The following PYDC5 variants were observed in gnomAD, a reference collection of about 807,000 sequenced individuals.
The protein encoded by PYDC5 is pyrin domain containing 5, also known as pyrin domain-containing protein 5.
the PYDC5 span, among the ~76,000 whole-genome samples, chr1:159,001,347 A>C: frequency 6.6e-6 from 1 of 152,224 alleles, no homozygotes; most frequent in Admixed American, 6.5e-5. Context: ...GAAGATAACC[A>C]ACTGTGACTT....
the PYDC5 span, among the ~76,000 whole-genome samples, chr1:159,001,723 A>G: frequency 0.011 from 1,732 of 152,326 alleles, 30 homozygotes; most frequent in African/African-American, 0.04. Context: ...ACGTGCTAAC[A>G]TTCACATATC....
chr1:159,000,812 T>C, the PYDC5 span, among the ~76,000 whole-genome samples: 1 of 152,242 alleles, frequency 6.6e-6, no homozygotes, highest in Middle Eastern at 3.4e-3. Context: ...GCTTGGCTCA[T>C]GGGGGTGGAT....
chr1:159,001,479 A>G, the PYDC5 span, among the ~76,000 whole-genome samples: 1 of 152,246 alleles, frequency 6.6e-6, no homozygotes, highest in Non-Finnish European at 1.5e-5. Flanking sequence ...TTATACATGT[A>G]GAATTTATAA....
chr1:159,000,244 A>C, the PYDC5 span: 1 of 259,430 alleles, frequency 3.9e-6, no homozygotes, highest in South Asian at 7.4e-5. Flanking sequence ...ACTTAAACCT[A>C]TCCAGTTCCT....
At chr1:159,000,332 T>C in the PYDC5 span, 3 of 230,238 alleles carry the variant, frequency 1.3e-5, no homozygotes, top group South Asian at 2.6e-4. Flanking sequence ...TTTCAGCTTA[T>C]AAGGGATCCA....
chr1:159,000,883 G>A, the PYDC5 span, among the ~76,000 whole-genome samples: 1 of 152,108 alleles, frequency 6.6e-6, no homozygotes, highest in South Asian at 2.1e-4. Flanking sequence ...CTGAGTCACA[G>A]AGATCTGATT....
chr1:159,002,416 T>C, the PYDC5 span, among the ~76,000 whole-genome samples: 1 of 152,228 alleles, frequency 6.6e-6, no homozygotes, highest in Non-Finnish European at 1.5e-5. Flanking sequence ...AATTATTTTC[T>C]TTGTCAAATC....
At chr1:159,001,545 C>T in the PYDC5 span, among the ~76,000 whole-genome samples, 1 of 152,108 alleles carries the variant, frequency 6.6e-6, no homozygotes, top group Admixed American at 6.6e-5. Context: ...AAATAAGGAA[C>T]ACATTTCAAA....
At chr1:159,002,020 G>A in the PYDC5 span, among the ~76,000 whole-genome samples, 1 of 152,118 alleles carries the variant, frequency 6.6e-6, no homozygotes, top group Non-Finnish European at 1.5e-5. Context: ...AAGACACAAA[G>A]AAAAGAAAAT....
the PYDC5 span, among the ~76,000 whole-genome samples, chr1:159,002,118 A>C: frequency 6.6e-6 from 1 of 152,246 alleles, no homozygotes; most frequent in Admixed American, 6.5e-5. Context: ...CCTGATACAA[A>C]ACAGCTGGCA....
the PYDC5 span, among the ~76,000 whole-genome samples, chr1:159,002,040 G>C: frequency 6.6e-6 from 1 of 152,148 alleles, no homozygotes; most frequent in African/African-American, 2.4e-5. Context: ...TGTTGAGGGA[G>C]CATATAATCA....
At chr1:159,001,458 A>G in the PYDC5 span, among the ~76,000 whole-genome samples, 1 of 152,238 alleles carries the variant, frequency 6.6e-6, no homozygotes, top group African/African-American at 2.4e-5. Flanking sequence ...TGATAGCTAG[A>G]GAAACCCTAT....
the PYDC5 span, among the ~76,000 whole-genome samples, chr1:159,000,729 T>G: frequency 6.6e-6 from 1 of 152,176 alleles, no homozygotes; most frequent in African/African-American, 2.4e-5. Flanking sequence ...TCATATGGTT[T>G]GGATATTTAT....
At chr1:159,001,158 C>T in the PYDC5 span, among the ~76,000 whole-genome samples, 1 of 152,040 alleles carries the variant, frequency 6.6e-6, no homozygotes, top group Non-Finnish European at 1.5e-5. Context: ...ACATATTGTC[C>T]CATTTGTACA....
At chr1:159,000,195 GT>G in the PYDC5 span, 1 of 240,860 alleles carries the variant, frequency 4.2e-6, no homozygotes, top group Non-Finnish European at 8.8e-6. Flanking sequence ...AGAGTATGCA[GT>G]TTGCCTGTGG....
At chr1:159,000,148 C>T in the PYDC5 span, 2 of 182,006 alleles carry the variant, frequency 1.1e-5, no homozygotes. Context: ...AGACACCATG[C>T]CAGCGTTTTA....
the PYDC5 span, among the ~76,000 whole-genome samples, chr1:159,000,792 G>T: frequency 2.6e-5 from 4 of 152,306 alleles, no homozygotes; most frequent in East Asian, 7.7e-4. Context: ...GGTGGGGCTT[G>T]ACGGGAAGTG....
chr1:159,000,817 GTGGATCCCTCATGAATGGCTCAGTGCCA>G, the PYDC5 span, among the ~76,000 whole-genome samples: 4 of 152,148 alleles, frequency 2.6e-5, no homozygotes, highest in Non-Finnish European at 4.4e-5. Flanking sequence ...GCTCATGGGG[GTGGATCCCTCATGAATGGCTCAGTGCCA>G]TCCCCTGGTT....
the PYDC5 span, among the ~76,000 whole-genome samples, chr1:159,002,215 T>C: frequency 6.6e-6 from 1 of 152,168 alleles, no homozygotes; most frequent in Non-Finnish European, 1.5e-5. Context: ...CAGTACATAT[T>C]ACTGAATTCA....
Sources: allele counts gnomAD v4.1 joint callset (sites outside exome capture counted in the v4.1 genomes callset), GRCh38; gene constraint gnomAD v4.1.1; transcripts MANE v1.5; gene names NCBI Gene and HGNC (gene_info 2026-07-23, HGNC 2026-07-21).